Variants in DIP2C observed in about 807,000 individuals in gnomAD.
DIP2C encodes the protein disco-interacting protein 2 homolog C.
A neutral mutation model predicts 192.4 loss-of-function variants in DIP2C; 33 were observed. The observed-to-expected ratio is 0.17, with a 90% CI of 0.13 to 0.23. The LOEUF is 0.23. DIP2C is among the 10% of genes least tolerant of loss of function. DIP2C has a pLI of 1.00. For synonymous variants in DIP2C, 979 were observed against 864.1 expected (o/e 1.13, Z -2.33); for missense variants, 1,537 against 2,110.1 (o/e 0.73, Z 5.32).
At chr10:400,443 T>G (rs146609097) in intron 9 of DIP2C, among the ~76,000 whole-genome samples, 2,403 of 152,366 alleles carry the variant, frequency 0.016, 35 homozygotes, top group Middle Eastern at 0.031. Context: ...CCCTGTGAAC[T>G]CTGCTTCTAT....
chr10:545,388 T>G (rs575350234), intron 1 of DIP2C, among the ~76,000 whole-genome samples: 134 of 152,166 alleles, frequency 8.8e-4, no homozygotes, highest in African/African-American at 3.2e-3. Flanking sequence ...ACTCCTGACC[T>G]CAGGTGATCC....
At chr10:394,417 A>G (rs931746664) in intron 10 of DIP2C, among the ~76,000 whole-genome samples, 1 of 149,386 alleles carries the variant, frequency 6.7e-6, no homozygotes, top group Admixed American at 6.7e-5. Flanking sequence ...CCAGGAGGAC[A>G]TTACATCACA....
At chr10:624,954 G>A (rs1039701114) in intron 1 of DIP2C, among the ~76,000 whole-genome samples, 1 of 152,160 alleles carries the variant, frequency 6.6e-6, no homozygotes, top group Non-Finnish European at 1.5e-5. Context: ...TGAAGGCCCC[G>A]CTGCACCCAC....
At chr10:492,407 G>A (rs1324629849) in intron 1 of DIP2C, among the ~76,000 whole-genome samples, 2 of 152,136 alleles carry the variant, frequency 1.3e-5, no homozygotes, top group Admixed American at 1.3e-4. Flanking sequence ...ATTCTCACAA[G>A]CCCCTGCCAC....
intron 17 of DIP2C, among the ~76,000 whole-genome samples, chr10:380,573 C>A (rs374955878): frequency 2.6e-5 from 4 of 152,246 alleles, no homozygotes; most frequent in Non-Finnish European, 5.9e-5. Context: ...AGGCATAATC[C>A]GTCCTCTACA....
intron 26 of DIP2C, among the ~76,000 whole-genome samples, chr10:347,561 C>T (rs71492989): frequency 0.86 from 41,438 of 48,208 alleles, 18,033 homozygotes; most frequent in Admixed American, 0.89. Context: ...ATAGCTCTCC[C>T]GGAAACCCCA....
At chr10:278,013 C>A (rs551859171) in intron 36 of DIP2C, among the ~76,000 whole-genome samples, 33 of 152,360 alleles carry the variant, frequency 2.2e-4, no homozygotes, top group Admixed American at 2.0e-4. Flanking sequence ...CTGCTGAGGG[C>A]CGTGCGTGCG....
chr10:387,728 G>T lies in DIP2C; in HGVS notation c.1662+17C>A. The T allele has an allele frequency of 6.2e-7, 1 of 1,612,994 alleles. No homozygotes were observed. On this transcript the variant is annotated intron_variant, in intron 14 of 36. Coordinates refer to ENST00000280886, the MANE Select transcript of DIP2C (RefSeq NM_014974.3). Reference sequence around the variant, plus strand: ...GACTCCTTTGTGGACAGACACGGCCGGGGGGACCTCACTTACTGTCAGGAT... The same window carrying T: ...GACTCCTTTGTGGACAGACACGGCCTGGGGGACCTCACTTACTGTCAGGAT...
At chr10:596,103 C>CT (rs936665702) in intron 1 of DIP2C, among the ~76,000 whole-genome samples, 1 of 152,102 alleles carries the variant, frequency 6.6e-6, no homozygotes, top group East Asian at 1.9e-4. Context: ...GCTAAAGGAC[C>CT]TTTTTTAAAG....
At chr10:445,507 T>C (rs1481749714) in intron 3 of DIP2C, among the ~76,000 whole-genome samples, 1 of 151,588 alleles carries the variant, frequency 6.6e-6, no homozygotes, top group African/African-American at 2.4e-5. Context: ...AGAGTCTATC[T>C]TGCACTGGGC....
At chr10:631,356 G>A (rs1392405913) in intron 1 of DIP2C, 1 of 152,218 alleles carries the variant, frequency 6.6e-6, no homozygotes, top group Non-Finnish European at 1.5e-5. Flanking sequence ...GGTGTTCCCA[G>A]GCTTCCGTCA....
chr10:552,862 G>A (rs1024183691), intron 1 of DIP2C, among the ~76,000 whole-genome samples: 11 of 152,160 alleles, frequency 7.2e-5, no homozygotes, highest in South Asian at 2.1e-4. Flanking sequence ...AAAAAGTGAC[G>A]AACACCCCAT....
intron 2 of DIP2C, among the ~76,000 whole-genome samples, chr10:482,411 A>C (rs1564771038): frequency 6.6e-6 from 1 of 152,132 alleles, no homozygotes. Context: ...TGTGGGGCTT[A>C]ACTCACACTG....
At chr10:550,575 C>A (rs1324412985) in intron 1 of DIP2C, among the ~76,000 whole-genome samples, 4 of 152,176 alleles carry the variant, frequency 2.6e-5, no homozygotes, top group African/African-American at 9.7e-5. Flanking sequence ...GCTATTACAA[C>A]AATCAGATCT....
intron 3 of DIP2C, among the ~76,000 whole-genome samples, chr10:466,778 A>G (rs1474603537): frequency 3.3e-5 from 5 of 150,194 alleles, no homozygotes; most frequent in South Asian, 2.2e-4. Context: ...AAACACATGA[A>G]AAAATGCTCA....
At chr10:445,956 C>T (rs1202814763) in intron 3 of DIP2C, among the ~76,000 whole-genome samples, 2 of 151,582 alleles carry the variant, frequency 1.3e-5, no homozygotes, top group East Asian at 3.9e-4. Context: ...CTGTATACAT[C>T]TGTTGTGAAG....
At chr10:677,143 T>C (rs1830904542) in intron 1 of DIP2C, among the ~76,000 whole-genome samples, 1 of 152,234 alleles carries the variant, frequency 6.6e-6, no homozygotes, top group Non-Finnish European at 1.5e-5. Flanking sequence ...TTGTGGTCCA[T>C]TGGTGGAGAC....
chr10:435,042 T>A (rs1366803419), intron 4 of DIP2C, among the ~76,000 whole-genome samples: 1 of 152,238 alleles, frequency 6.6e-6, no homozygotes, highest in Non-Finnish European at 1.5e-5. Context: ...GGCATTAATC[T>A]GAGGAAATTC....
intron 21 of DIP2C, 69 bp from the exon 22 acceptor site, chr10:362,760 A>G: frequency 6.7e-7 from 1 of 1,482,676 alleles, no homozygotes; most frequent in Non-Finnish European, 9.1e-7. Context: ...TATATTATGC[A>G]AAATATGATC....
Sources: allele counts gnomAD v4.1 joint callset (sites outside exome capture counted in the v4.1 genomes callset), GRCh38; gene constraint gnomAD v4.1.1; transcripts MANE v1.5; gene names NCBI Gene and HGNC (gene_info 2026-07-23, HGNC 2026-07-21).